The following XKR4 variants were observed in gnomAD, a reference collection of about 807,000 sequenced individuals.
The protein encoded by XKR4 is XK-related protein 4.
XKR4 carries 12 observed loss-of-function variants against 53.9 expected under a neutral mutation model. The ratio of observed to expected loss-of-function variants is 0.22; its 90% confidence interval spans 0.14 to 0.36. The LOEUF (loss-of-function observed/expected upper bound fraction) is 0.36, where lower values mean the gene tolerates loss of function less well. XKR4 is among the 10% of genes least tolerant of loss of function. The pLI is 1.00. For missense variants in XKR4, 799 were observed against 859.5 expected (o/e 0.93, Z 0.88); for synonymous variants, 354 against 362.4 (o/e 0.98, Z 0.26).
intron 1 of XKR4, among the ~76,000 whole-genome samples, chr8:55,197,806 G>C (rs1297165707): frequency 6.6e-6 from 1 of 152,158 alleles, no homozygotes; most frequent in Non-Finnish European, 1.5e-5. Context: ...GCCTCCGAAA[G>C]TGCTGGGATT....
chr8:55,171,482 C>T (rs865781222), intron 1 of XKR4, among the ~76,000 whole-genome samples: 11 of 152,160 alleles, frequency 7.2e-5, no homozygotes, highest in African/African-American at 2.2e-4. Flanking sequence ...CATACGTCTC[C>T]GTGTCATTTT....
chr8:55,291,964 G>A (rs1819028398), intron 1 of XKR4, among the ~76,000 whole-genome samples: 1 of 151,592 alleles, frequency 6.6e-6, no homozygotes, highest in Admixed American at 6.6e-5. Flanking sequence ...TTCCTTCATG[G>A]CCTATTAAGG....
intron 1 of XKR4, among the ~76,000 whole-genome samples, chr8:55,252,864 G>C (rs1315026055): frequency 6.6e-6 from 1 of 152,178 alleles, no homozygotes; most frequent in Non-Finnish European, 1.5e-5. Flanking sequence ...AGAGAATGAA[G>C]GTTGATCAAA....
intron 1 of XKR4, among the ~76,000 whole-genome samples, chr8:55,120,979 G>A (rs1318212187): frequency 1.3e-5 from 2 of 152,140 alleles, no homozygotes; most frequent in East Asian, 3.8e-4. Flanking sequence ...TGTAGCCTTT[G>A]CAGATTGTCT....
At chr8:55,481,929 C>T (rs1164527831) in intron 2 of XKR4, among the ~76,000 whole-genome samples, 1 of 152,162 alleles carries the variant, frequency 6.6e-6, no homozygotes, top group Non-Finnish European at 1.5e-5. Context: ...GAAATAGGAA[C>T]ACTTTTCCAC....
rs117588354 is a variant in XKR4, at chr8:55,225,646, A to G, written c.806+122352A>G. Among the ~76,000 whole-genome samples the G allele has an allele frequency of 8.7e-3, 1,332 of 152,348 alleles. 14 individuals are homozygous for G. Among genetic ancestry groups the G allele is most frequent in the Middle Eastern group, 0.031 (9 of 294 alleles). Reference sequence around the variant, plus strand: ...TTCATCCAGAGCCAGATGCAGAACTATGCATGAAACCATCACATTCTTAGT... The same window carrying G: ...TTCATCCAGAGCCAGATGCAGAACTGTGCATGAAACCATCACATTCTTAGT... On this transcript the variant is annotated intron_variant, in intron 1 of 2. Transcript: ENST00000327381.
intron 2 of XKR4, chr8:55,452,163 C>A: frequency 2.8e-6 from 2 of 724,532 alleles, no homozygotes; most frequent in South Asian, 1.7e-5. Context: ...CAGCTGCTTG[C>A]AGAAGAGCTC....
At chr8:55,502,485 G>A (rs57076596) in intron 2 of XKR4, among the ~76,000 whole-genome samples, 8,902 of 152,020 alleles carry the variant, frequency 0.059, 667 homozygotes, top group East Asian at 0.28. Flanking sequence ...CCTTAGTGAT[G>A]TTGAGTATCT....
intron 2 of XKR4, among the ~76,000 whole-genome samples, chr8:55,503,063 C>T (rs777764771): frequency 5.3e-5 from 8 of 152,086 alleles, no homozygotes; most frequent in Non-Finnish European, 1.0e-4. Flanking sequence ...GTCTATTTGT[C>T]TGTCTTTCTG....
chr8:55,229,845 A>G (rs1230151208), intron 1 of XKR4, among the ~76,000 whole-genome samples: 1 of 151,406 alleles, frequency 6.6e-6, no homozygotes, highest in Non-Finnish European at 1.5e-5. Flanking sequence ...CAAAGCCGGT[A>G]TAACTATTGT....
chr8:55,172,541 T>C (rs529405240), intron 1 of XKR4, among the ~76,000 whole-genome samples: 134 of 152,316 alleles, frequency 8.8e-4, no homozygotes, highest in Middle Eastern at 3.4e-3. Flanking sequence ...AAATTCCCCC[T>C]TTCCTATAGT....
At chr8:55,291,855 C>T (rs897913720) in intron 1 of XKR4, among the ~76,000 whole-genome samples, 24 of 152,016 alleles carry the variant, frequency 1.6e-4, no homozygotes, top group Non-Finnish European at 1.2e-4. Context: ...GGAAGTACTT[C>T]TTTATTCTTA....
chr8:55,256,729 A>G (rs1239570687), intron 1 of XKR4, among the ~76,000 whole-genome samples: 1 of 152,204 alleles, frequency 6.6e-6, no homozygotes, highest in Non-Finnish European at 1.5e-5. Flanking sequence ...AAGATTTAAA[A>G]TAGAGTCTCA....
At chr8:55,235,628 CAACT>C (rs1268250933) in intron 1 of XKR4, among the ~76,000 whole-genome samples, 2 of 152,126 alleles carry the variant, frequency 1.3e-5, no homozygotes, top group South Asian at 2.1e-4. Flanking sequence ...CCCACCACAC[CAACT>C]GTCTCCCTAC....
At chr8:55,175,516 G>A (rs1053711769) in intron 1 of XKR4, among the ~76,000 whole-genome samples, 8 of 152,124 alleles carry the variant, frequency 5.3e-5, no homozygotes, top group Non-Finnish European at 5.9e-5. Context: ...CAAGATTTAT[G>A]CTTGGTCATT....
intron 1 of XKR4, among the ~76,000 whole-genome samples, chr8:55,315,594 G>A (rs1819461491): frequency 6.6e-6 from 1 of 152,118 alleles, no homozygotes; most frequent in African/African-American, 2.4e-5. Flanking sequence ...AGGAGTTCAA[G>A]GCCACAGTGA....
chr8:55,133,245 G>A (rs572440879), intron 1 of XKR4, among the ~76,000 whole-genome samples: 1 of 152,316 alleles, frequency 6.6e-6, no homozygotes, highest in South Asian at 2.1e-4. Context: ...ACAATAAAGG[G>A]TAAGTGTGAG....
At chr8:55,313,607 C>T (rs1271421638) in intron 1 of XKR4, among the ~76,000 whole-genome samples, 3 of 152,106 alleles carry the variant, frequency 2.0e-5, no homozygotes, top group Non-Finnish European at 4.4e-5. Flanking sequence ...GGGCAAATAC[C>T]CCATCAACCA....
At chr8:55,141,296 T>A (rs187678732) in intron 1 of XKR4, among the ~76,000 whole-genome samples, 144 of 152,238 alleles carry the variant, frequency 9.5e-4, no homozygotes, top group African/African-American at 3.2e-3. Context: ...TCCAGACGCA[T>A]CTCCTGGAGG....
Sources: gnomAD v4.1 joint callset for allele counts (sites outside exome capture counted in the v4.1 genomes callset) on GRCh38, gnomAD v4.1.1 for gene constraint, MANE v1.5 for transcripts, NCBI Gene and HGNC (gene_info 2026-07-23, HGNC 2026-07-21) for gene names.